Variants in KCNMB2 observed in about 807,000 individuals in gnomAD.
The protein encoded by KCNMB2 is calcium-activated potassium channel subunit beta-2.
In KCNMB2, 9 loss-of-function variants were observed where a neutral mutation model predicts 24.5. The ratio of observed to expected loss-of-function variants is 0.37; its 90% CI spans 0.22 to 0.64. KCNMB2 has a LOEUF of 0.64. Among genes scored for constraint, KCNMB2 ranks in the 30% least tolerant of loss-of-function variants. KCNMB2 has a pLI of 0.63. For synonymous variants in KCNMB2, 109 were observed against 104.4 expected (o/e 1.04, Z -0.27); for missense variants, 226 against 284.3 (o/e 0.79, Z 1.47).
intron 2 of KCNMB2, chr3:178,820,433 A>T (rs1314913383): frequency 6.5e-6 from 1 of 152,736 alleles, no homozygotes; most frequent in Non-Finnish European, 1.5e-5. Flanking sequence ...AGAAATGTTG[A>T]CTAATGAATA....
At chr3:178,808,155 C>T (rs959065504) in intron 2 of KCNMB2, among the ~76,000 whole-genome samples, 2 of 152,088 alleles carry the variant, frequency 1.3e-5, no homozygotes, top group Admixed American at 6.6e-5. Flanking sequence ...GCAAAGGCAG[C>T]ATTAATGAAA....
intron 1 of KCNMB2, among the ~76,000 whole-genome samples, chr3:178,759,030 A>C (rs866593603): frequency 3.9e-4 from 8 of 20,482 alleles, no homozygotes; most frequent in East Asian, 2.1e-3. Flanking sequence ...ATATATATAT[A>C]TCTCCAAGAG....
chr3:178,744,741 C>T (rs781709341), intron 1 of KCNMB2, among the ~76,000 whole-genome samples: 1 of 151,680 alleles, frequency 6.6e-6, no homozygotes, highest in South Asian at 2.1e-4. Context: ...TTAGGCATGG[C>T]CAGGCTTCCC....
intron 2 of KCNMB2, chr3:178,824,614 T>A (rs1261666912): frequency 6.4e-6 from 1 of 156,694 alleles, no homozygotes; most frequent in Non-Finnish European, 1.4e-5. Flanking sequence ...GATCTTGTGA[T>A]CCGCCCGCCT....
chr3:178,614,283 A>ATATGTATATGTG (rs1718614624), intron 1 of KCNMB2, among the ~76,000 whole-genome samples: 9 of 69,544 alleles, frequency 1.3e-4, no homozygotes, highest in African/African-American at 4.1e-4. Flanking sequence ...ATATATATAT[A>ATATGTATATGTG]TATATATATA....
chr3:178,598,888 T>C (rs1278853612), intron 1 of KCNMB2, among the ~76,000 whole-genome samples: 2 of 152,134 alleles, frequency 1.3e-5, no homozygotes, highest in African/African-American at 4.8e-5. Context: ...TCGGGAGTTT[T>C]TGAAATATAC....
At chr3:178,567,991 G>A (rs1357834729) in intron 1 of KCNMB2, among the ~76,000 whole-genome samples, 2 of 152,044 alleles carry the variant, frequency 1.3e-5, no homozygotes, top group South Asian at 2.1e-4. Context: ...AATCCACTTA[G>A]GTAACTACAT....
intron 1 of KCNMB2, among the ~76,000 whole-genome samples, chr3:178,614,678 G>A (rs1358827367): frequency 6.6e-6 from 1 of 152,036 alleles, no homozygotes; most frequent in Non-Finnish European, 1.5e-5. Flanking sequence ...TTCCTTCTCT[G>A]TGTTATCTGG....
intron 2 of KCNMB2, among the ~76,000 whole-genome samples, chr3:178,812,368 C>T (rs1714227315): frequency 2.0e-5 from 3 of 147,626 alleles, no homozygotes; most frequent in Admixed American, 2.0e-4. Context: ...GGTATATCTC[C>T]TAATGCTATC....
At chr3:178,565,291 T>C (rs1716478122) in intron 1 of KCNMB2, among the ~76,000 whole-genome samples, 1 of 152,154 alleles carries the variant, frequency 6.6e-6, no homozygotes, top group Admixed American at 6.5e-5. Context: ...AAAGGAATAA[T>C]GAACCCAAAG....
At chr3:178,759,560 T>C (rs1711614177) in intron 1 of KCNMB2, among the ~76,000 whole-genome samples, 1 of 132,408 alleles carries the variant, frequency 7.6e-6, no homozygotes, top group Admixed American at 7.6e-5. Context: ...AGGATATATA[T>C]ATCTCTCTCC....
intron 1 of KCNMB2, among the ~76,000 whole-genome samples, chr3:178,721,754 T>C (rs1402105777): frequency 6.6e-6 from 1 of 152,202 alleles, no homozygotes; most frequent in Non-Finnish European, 1.5e-5. Flanking sequence ...TGTCAGTGTG[T>C]TTCCGCTTTC....
intron 1 of KCNMB2, among the ~76,000 whole-genome samples, chr3:178,669,382 G>A (rs561963093): frequency 6.6e-6 from 1 of 152,224 alleles, no homozygotes; most frequent in African/African-American, 2.4e-5. Context: ...GGAGAGAGGA[G>A]AGAAGGAGAG....
intron 1 of KCNMB2, among the ~76,000 whole-genome samples, chr3:178,538,655 A>C (rs1715487209): frequency 6.6e-6 from 1 of 152,188 alleles, no homozygotes; most frequent in Admixed American, 6.5e-5. Context: ...TTTACTGATA[A>C]ACTAAAATGA....
At chr3:178,724,873 T>C (rs1243660102) in intron 1 of KCNMB2, among the ~76,000 whole-genome samples, 5 of 152,264 alleles carry the variant, frequency 3.3e-5, no homozygotes, top group Admixed American at 2.0e-4. Flanking sequence ...TGTCTATTTT[T>C]GTACCAGCAC....
At chr3:178,658,681 C>T (rs534185715) in intron 1 of KCNMB2, among the ~76,000 whole-genome samples, 26 of 152,290 alleles carry the variant, frequency 1.7e-4, no homozygotes, top group Admixed American at 3.9e-4. Context: ...AGCCAATGAA[C>T]AGAAAGCCCA....
intron 4 of KCNMB2, among the ~76,000 whole-genome samples, chr3:178,836,237 A>C (rs1279468994): frequency 6.6e-6 from 1 of 152,176 alleles, no homozygotes; most frequent in Non-Finnish European, 1.5e-5. Flanking sequence ...GTCTGAAAAA[A>C]AGCCCAACAG....
chr3:178,744,853 T>C (rs1158504428), intron 1 of KCNMB2, among the ~76,000 whole-genome samples: 1 of 152,212 alleles, frequency 6.6e-6, no homozygotes, highest in African/African-American at 2.4e-5. Context: ...TACTTTCTAT[T>C]TGCCTGCTCT....
At chr3:178,594,081 G>A (rs571644859) in intron 1 of KCNMB2, among the ~76,000 whole-genome samples, 1 of 151,806 alleles carries the variant, frequency 6.6e-6, no homozygotes, top group East Asian at 1.9e-4. Flanking sequence ...TGGCATATTT[G>A]AGGAATATCA....
Sources: allele counts gnomAD v4.1 joint callset (sites outside exome capture counted in the v4.1 genomes callset), GRCh38; gene constraint gnomAD v4.1.1; transcripts MANE v1.5; gene names NCBI Gene and HGNC (gene_info 2026-07-23, HGNC 2026-07-21).